Variants in SORBS2 observed in about 807,000 individuals in gnomAD.
The protein encoded by SORBS2 is sorbin and SH3 domain-containing protein 2.
SORBS2 carries 46 observed loss-of-function variants against 97.7 expected under a neutral mutation model. The observed-to-expected ratio is 0.47, with a 90% CI of 0.37 to 0.60. The LOEUF is 0.60. SORBS2 is among the 20% of genes least tolerant of loss of function. SORBS2 has a pLI of 0.00. For missense variants in SORBS2, 1,316 were observed against 1,282.3 expected, an observed-to-expected ratio of 1.03 and a Z score of -0.40; for synonymous variants, 476 against 473.4, an observed-to-expected ratio of 1.01 and a Z score of -0.07.
intron 4 of SORBS2, 21 bp downstream of exon 7, chr4:185,678,402 G>A (rs1322774884): frequency 6.5e-7 from 1 of 1,544,374 alleles, no homozygotes; most frequent in African/African-American, 1.4e-5. Context: ...TAATGCAGTA[G>A]CCAAGAGTGT....
intron 12 of SORBS2, among the ~76,000 whole-genome samples, chr4:185,594,232 G>A (rs1339859173): frequency 6.6e-6 from 1 of 152,258 alleles, no homozygotes; most frequent in African/African-American, 2.4e-5. Context: ...CAAAGGCCAG[G>A]AATAAGGCAA....
At chr4:185,741,179 GCATAATGTAA>G (rs1322341041) in intron 2 of SORBS2, among the ~76,000 whole-genome samples, 1 of 151,996 alleles carries the variant, frequency 6.6e-6, no homozygotes, top group Non-Finnish European at 1.5e-5. Flanking sequence ...ACACAAGTAG[GCATAATGTAA>G]CATAAGACAG....
At chr4:185,865,143 T>G (rs1381623056) in intron 1 of SORBS2, among the ~76,000 whole-genome samples, 1 of 152,200 alleles carries the variant, frequency 6.6e-6, no homozygotes, top group Non-Finnish European at 1.5e-5. Context: ...CTGTCTTTGA[T>G]ATGGCTGCCA....
In SORBS2 at chr4:185,816,687, T is replaced by G. The variant is rs111609225; in HGVS notation, c.-337-41321A>C. Among the ~76,000 whole-genome samples the G allele has an allele frequency of 8.5e-3, 1,294 of 152,282 alleles. 14 individuals are homozygous for G. The highest frequency in any genetic ancestry group is 0.026 in the African/African-American group (1,094 of 41,554). ...CCTGAAGAAGTATGACCCTGATCAG[T>G]ATCCAGAATGACTTTTATAAATCAG... On this transcript the variant is annotated intron_variant, in intron 1 of 20. Transcript: ENST00000284776.
chr4:185,844,344 C>T (rs1196426276), intron 1 of SORBS2, among the ~76,000 whole-genome samples: 1 of 152,180 alleles, frequency 6.6e-6, no homozygotes, highest in African/African-American at 2.4e-5. Flanking sequence ...GATCGGCAGA[C>T]ACACGAAAAG....
intron 1 of SORBS2, among the ~76,000 whole-genome samples, chr4:185,938,996 G>T (rs2099270494): frequency 6.6e-6 from 1 of 152,128 alleles, no homozygotes; most frequent in Non-Finnish European, 1.5e-5. Flanking sequence ...ACTGCCTGGT[G>T]ATTCTAACAG....
At chr4:185,922,988 T>C (rs779597763) in intron 1 of SORBS2, among the ~76,000 whole-genome samples, 53 of 152,200 alleles carry the variant, frequency 3.5e-4, no homozygotes, top group Non-Finnish European at 5.7e-4. Context: ...AACGAAGCTT[T>C]CTAAGAGGCC....
intron 5 of SORBS2, 106 bp downstream of exon 8, chr4:185,661,998 G>C: frequency 6.4e-6 from 8 of 1,252,830 alleles, no homozygotes; most frequent in Non-Finnish European, 9.0e-6. Flanking sequence ...ATAGGGTCAT[G>C]AGTGCTGAGC....
At chr4:185,587,567 A>T in exon 15 of SORBS2, 1 of 1,482,846 alleles carries the variant, frequency 6.7e-7, no homozygotes, top group Non-Finnish European at 9.4e-7. Flanking sequence ...GGGGTGTTTC[A>T]GGCGCGTTGA....
At chr4:185,646,852 A>T (rs913206345) in intron 3 of SORBS2, 70 bp from the exon 13 acceptor site, 5 of 909,982 alleles carry the variant, frequency 5.5e-6, no homozygotes, top group Admixed American at 1.8e-5. Context: ...AAAACCAGTT[A>T]TCTGTTTTCA....
chr4:185,759,776 C>T (rs189606964), intron 2 of SORBS2, among the ~76,000 whole-genome samples: 13 of 152,214 alleles, frequency 8.5e-5, no homozygotes, highest in Middle Eastern at 3.4e-3. Context: ...TATTCTATTG[C>T]CTGTAACAGG....
chr4:185,933,248 T>A (rs556173451), intron 1 of SORBS2: 1 of 152,354 alleles, frequency 6.6e-6, no homozygotes, highest in East Asian at 1.9e-4. Flanking sequence ...CCCAGTGATC[T>A]CATGTCTACT....
At chr4:185,821,192 G>C (rs2099196636) in intron 1 of SORBS2, among the ~76,000 whole-genome samples, 1 of 152,224 alleles carries the variant, frequency 6.6e-6, no homozygotes, top group Non-Finnish European at 1.5e-5. Flanking sequence ...CGCGAGCTAA[G>C]TGGCTGAAGA....
At chr4:185,820,241 T>C (rs969699937) in intron 1 of SORBS2, among the ~76,000 whole-genome samples, 2 of 152,170 alleles carry the variant, frequency 1.3e-5, no homozygotes, top group African/African-American at 2.4e-5. Flanking sequence ...CAGGCACTAG[T>C]GTCATCAGTG....
chr4:185,843,378 G>GAT (rs1453727808), intron 1 of SORBS2, among the ~76,000 whole-genome samples: 3 of 151,960 alleles, frequency 2.0e-5, no homozygotes, highest in African/African-American at 7.3e-5. Flanking sequence ...AAAAACCCAG[G>GAT]ATATATATAG....
At chr4:185,704,990 C>T (rs993014328) in intron 2 of SORBS2, among the ~76,000 whole-genome samples, 4 of 152,176 alleles carry the variant, frequency 2.6e-5, no homozygotes, top group Admixed American at 2.6e-4. Flanking sequence ...TCCAGTGTCA[C>T]ACAGGTAGGG....
At chr4:185,620,224 C>T (rs2096696929) in intron 7 of SORBS2, 73 bp from the exon 20 acceptor site, 1 of 955,662 alleles carries the variant, frequency 1.0e-6, no homozygotes, top group East Asian at 2.4e-5. Context: ...GCCATTTTCC[C>T]TGGTGGCCAC....
At chr4:185,837,041 G>A (rs887784346) in intron 1 of SORBS2, among the ~76,000 whole-genome samples, 2 of 152,126 alleles carry the variant, frequency 1.3e-5, no homozygotes, top group African/African-American at 2.4e-5. Context: ...TATGAGTGAA[G>A]GGTTTTGAAG....
chr4:185,594,143 G>T, intron 12 of SORBS2: 1 of 549,644 alleles, frequency 1.8e-6, no homozygotes. Flanking sequence ...AATAAGCAAG[G>T]TCAAATGTTT....
Sources: gnomAD v4.1 joint callset for allele counts (sites outside exome capture counted in the v4.1 genomes callset) on GRCh38, gnomAD v4.1.1 for gene constraint, MANE v1.5 for transcripts, NCBI Gene and HGNC (gene_info 2026-07-23, HGNC 2026-07-21) for gene names.